The following OGDH variants were observed in gnomAD, a reference collection of about 807,000 sequenced individuals.
The protein encoded by OGDH is 2-oxoglutarate dehydrogenase complex component E1.
OGDH carries 38 observed loss-of-function variants against 116.6 expected under a neutral mutation model. The ratio of observed to expected loss-of-function variants is 0.33; its 90% CI spans 0.25 to 0.43. The LOEUF (loss-of-function observed/expected upper bound fraction) is 0.43. Among genes scored for constraint, OGDH ranks in the 20% least tolerant of loss-of-function variants. The probability of loss-of-function intolerance (pLI) is 1.00; values close to 1 mark genes in which losing one functional copy is unlikely to be tolerated. For synonymous variants in OGDH, 488 were observed against 533.3 expected, an observed-to-expected ratio of 0.92 and a Z score of 1.17; for missense variants, 825 against 1,357.2, an observed-to-expected ratio of 0.61 and a Z score of 6.16.
At chr7:44,687,250 A>G (rs1414523556) in intron 10 of OGDH, among the ~76,000 whole-genome samples, 3 of 151,126 alleles carry the variant, frequency 2.0e-5, no homozygotes, top group Non-Finnish European at 4.4e-5. Context: ...GGCGCTTGCC[A>G]CCACCCCTGG....
chr7:44,680,741 A>G (rs1204010009), intron 9 of OGDH, among the ~76,000 whole-genome samples: 1 of 152,168 alleles, frequency 6.6e-6, no homozygotes, highest in Non-Finnish European at 1.5e-5. Context: ...AACAGCTGAT[A>G]TTGTCCAGGG....
chr7:44,679,428 A>T (rs1156376758), intron 9 of OGDH, among the ~76,000 whole-genome samples: 1 of 152,140 alleles, frequency 6.6e-6, no homozygotes, highest in Non-Finnish European at 1.5e-5. Context: ...ATCCACCAAA[A>T]GGCAGGACAC....
chr7:44,668,491 A>G (rs1480750225), intron 5 of OGDH, among the ~76,000 whole-genome samples: 2 of 152,190 alleles, frequency 1.3e-5, no homozygotes, highest in Non-Finnish European at 2.9e-5. Flanking sequence ...GTAGTTTGTG[A>G]TGAGCATCCT....
intron 10 of OGDH, among the ~76,000 whole-genome samples, chr7:44,687,522 C>T (rs1305442744): frequency 1.3e-5 from 2 of 152,122 alleles, no homozygotes; most frequent in Non-Finnish European, 2.9e-5. Context: ...CTCAAGCAAT[C>T]CTCCCACTTC....
chr7:44,671,661 G>A (rs534766047), intron 5 of OGDH, among the ~76,000 whole-genome samples: 8 of 151,578 alleles, frequency 5.3e-5, no homozygotes, highest in Admixed American at 3.3e-4. Context: ...CCAGCTACTC[G>A]GGAGGCTGAG....
intron 2 of OGDH, among the ~76,000 whole-genome samples, chr7:44,627,138 A>G (rs1360033246): frequency 6.6e-6 from 1 of 152,178 alleles, no homozygotes; most frequent in Non-Finnish European, 1.5e-5. Flanking sequence ...CTGGGATTAC[A>G]GGCCTGTGCC....
intron 13 of OGDH, 57 bp downstream of exon 13, chr7:44,696,184 C>A: frequency 7.9e-7 from 1 of 1,265,892 alleles, no homozygotes. Context: ...TGTAACGAGG[C>A]ATCCTCTTCC....
chr7:44,678,019 G>A (rs1787773548), intron 9 of OGDH, among the ~76,000 whole-genome samples: 1 of 152,146 alleles, frequency 6.6e-6, no homozygotes, highest in Admixed American at 6.5e-5. Flanking sequence ...CTGGGCTGGG[G>A]AAGTGATTCC....
chr7:44,608,884 A>G (rs113831569), intron 1 of OGDH, among the ~76,000 whole-genome samples: 64 of 152,356 alleles, frequency 4.2e-4, no homozygotes, highest in African/African-American at 1.4e-3. Context: ...TAAATAGTAC[A>G]GAGAGATCCT....
At position 44,635,845 on chromosome 7, in the gene OGDH, C is replaced by T. The variant is rs181368379; in HGVS notation, c.223-9482C>T. On this transcript the variant is annotated intron_variant, in intron 2 of 22. Coordinates refer to ENST00000222673, the MANE Select transcript of OGDH (RefSeq NM_002541.4). ...TCAGCCTCCTGAGTAATGGGGATTA[C>T]GGGCACGCACCACCACGCCCAGCTA... Among the ~76,000 whole-genome samples the T allele has an allele frequency of 5.0e-4, 76 of 152,006 alleles. 1 individual carries two copies. In the Middle Eastern group the frequency reaches 0.024, roughly 48 times the overall value.
chr7:44,656,312 T>C, intron 4 of OGDH: 1 of 1,535,922 alleles, frequency 6.5e-7, no homozygotes, highest in Non-Finnish European at 8.7e-7. Flanking sequence ...CCACTCTGCC[T>C]CTCAGATCTT....
rs760734052 is a variant in OGDH, at chr7:44,624,511, C to A, written c.168C>A (p.Asn56Lys). Residue 56 changes from asparagine (N) to lysine (K), a missense_variant, in exon 2 of 23, where the codon AAC (asparagine) becomes AAA (lysine). Coordinates refer to ENST00000222673, the MANE Select transcript of OGDH (RefSeq NM_002541.4). ...CCTTTCTCAGTGGGACTAGTTCGAACTATGTGGAGGAGATGTACTGTGCTT... is the reference window on the plus strand; with the variant it reads ...CCTTTCTCAGTGGGACTAGTTCGAAATATGTGGAGGAGATGTACTGTGCTT... ...AEPFLSGTSSNYVEEMYCAWL... is the reference protein window; with the variant it reads ...AEPFLSGTSSKYVEEMYCAWL... 3 of 1,613,752 alleles carry A rather than the reference C, an allele frequency of 1.9e-6. No homozygotes were observed. The East Asian group carries it at 6.7e-5, about 36-fold the overall frequency.
At chr7:44,670,102 C>A (rs963261869) in intron 5 of OGDH, among the ~76,000 whole-genome samples, 2 of 152,006 alleles carry the variant, frequency 1.3e-5, no homozygotes, top group Admixed American at 6.6e-5. Context: ...ACAGGAAAAA[C>A]ACAGCATGAT....
chr7:44,677,970 T>G (rs1343385904), intron 9 of OGDH, among the ~76,000 whole-genome samples: 1 of 151,554 alleles, frequency 6.6e-6, no homozygotes, highest in East Asian at 1.9e-4. Flanking sequence ...ATGCTTACAG[T>G]GTTAGAGGAA....
At chr7:44,617,550 G>A (rs1784852654) in intron 1 of OGDH, among the ~76,000 whole-genome samples, 2 of 152,198 alleles carry the variant, frequency 1.3e-5, no homozygotes, top group South Asian at 4.1e-4. Context: ...ACTAGTGAAA[G>A]ATAATAAATT....
intron 1 of OGDH, among the ~76,000 whole-genome samples, chr7:44,615,304 G>A (rs138584176): frequency 5.4e-4 from 82 of 152,266 alleles, no homozygotes; most frequent in Non-Finnish European, 1.1e-3. Flanking sequence ...TCTGGGGGGA[G>A]GGATTCCTTG....
intron 5 of OGDH, among the ~76,000 whole-genome samples, chr7:44,669,144 G>GTTTTTTTTTTTTTTTT (rs1585325619): frequency 1.9e-5 from 2 of 102,956 alleles, no homozygotes; most frequent in African/African-American, 5.8e-5. Flanking sequence ...GAGCCCGGCA[G>GTTTTTTTTTTTTTTTT]CTTTTTTTTT....
chr7:44,647,893 G>T, intron 4 of OGDH, 134 bp downstream of exon 4: 1 of 640,916 alleles, frequency 1.6e-6, no homozygotes, highest in Non-Finnish European at 2.7e-6. Flanking sequence ...GAAATTTATC[G>T]GTATTGTAGC....
At chr7:44,656,702 G>C (rs539297937) in intron 4 of OGDH, among the ~76,000 whole-genome samples, 60 of 152,320 alleles carry the variant, frequency 3.9e-4, no homozygotes, top group African/African-American at 1.3e-3. Flanking sequence ...GCCATGTTCA[G>C]CTCTGCATGG....
Sources: gnomAD v4.1 joint callset for allele counts (sites outside exome capture counted in the v4.1 genomes callset) on GRCh38, gnomAD v4.1.1 for gene constraint, MANE v1.5 for transcripts, NCBI Gene and HGNC (gene_info 2026-07-23, HGNC 2026-07-21) for gene names.